Variants in ATP9B observed in about 807,000 individuals in gnomAD.
The protein encoded by ATP9B is probable phospholipid-transporting ATPase IIB.
ATP9B carries 110 observed loss-of-function variants against 146.1 expected under a neutral mutation model. The ratio of observed to expected loss-of-function variants is 0.75; its 90% confidence interval spans 0.65 to 0.88. ATP9B has a LOEUF of 0.88. Among genes scored for constraint, ATP9B ranks in the 40% least tolerant of loss-of-function variants. ATP9B has a pLI of 0.00. For synonymous variants in ATP9B, 604 were observed against 569.7 expected (o/e 1.06, Z -0.86); for missense variants, 1,499 against 1,496.4 (o/e 1.00, Z -0.03).
intron 6 of ATP9B, among the ~76,000 whole-genome samples, chr18:79,152,783 C>A (rs1013720363): frequency 6.6e-6 from 1 of 152,128 alleles, no homozygotes; most frequent in Non-Finnish European, 1.5e-5. Flanking sequence ...GTTTTCTCAG[C>A]GCTATTGATT....
intron 15 of ATP9B, among the ~76,000 whole-genome samples, chr18:79,320,052 C>T (rs1478584406): frequency 6.6e-6 from 1 of 152,250 alleles, no homozygotes; most frequent in East Asian, 1.9e-4. Context: ...AGTCCTGACA[C>T]GGAGTGCCGA....
At chr18:79,181,878 C>G (rs754890296) in intron 8 of ATP9B, among the ~76,000 whole-genome samples, 2 of 152,074 alleles carry the variant, frequency 1.3e-5, no homozygotes, top group Non-Finnish European at 2.9e-5. Flanking sequence ...TTATCTCTGT[C>G]ACTTTTGGGT....
intron 26 of ATP9B, among the ~76,000 whole-genome samples, chr18:79,370,747 T>TAC (rs949153185): frequency 3.9e-5 from 6 of 152,192 alleles, no homozygotes; most frequent in African/African-American, 1.4e-4. Context: ...TCTGAGGTGC[T>TAC]CCCTGTTGGC....
At chr18:79,082,999 G>A (rs2073425133) in intron 1 of ATP9B, among the ~76,000 whole-genome samples, 2 of 152,180 alleles carry the variant, frequency 1.3e-5, no homozygotes, top group South Asian at 2.1e-4. Flanking sequence ...CTGAGGCTGT[G>A]CCCACAACCT....
intron 11 of ATP9B, among the ~76,000 whole-genome samples, chr18:79,220,912 A>T (rs1182830837): frequency 6.6e-6 from 1 of 152,124 alleles, no homozygotes; most frequent in Non-Finnish European, 1.5e-5. Flanking sequence ...TGCTCTCTTC[A>T]GCCTTTGGGC....
chr18:79,334,205 A>C (rs529343668), intron 17 of ATP9B, among the ~76,000 whole-genome samples: 1 of 152,112 alleles, frequency 6.6e-6, no homozygotes, highest in East Asian at 1.9e-4. Context: ...AAAATACAAA[A>C]AAAATAGACA....
intron 12 of ATP9B, among the ~76,000 whole-genome samples, chr18:79,255,731 G>C (rs1365900197): frequency 6.6e-6 from 1 of 152,114 alleles, no homozygotes; most frequent in Non-Finnish European, 1.5e-5. Flanking sequence ...TCGAGTCTCT[G>C]GTTCTCAGTA....
intron 11 of ATP9B, among the ~76,000 whole-genome samples, chr18:79,233,300 G>A (rs1015317658): frequency 2.0e-5 from 3 of 151,900 alleles, no homozygotes; most frequent in African/African-American, 7.3e-5. Flanking sequence ...AAAAAAAAAA[G>A]ATACAACTAT....
chr18:79,364,649 T>A (rs2097015672), intron 26 of ATP9B, among the ~76,000 whole-genome samples: 1 of 152,228 alleles, frequency 6.6e-6, no homozygotes, highest in African/African-American at 2.4e-5. Flanking sequence ...GACCTTGGGT[T>A]AAGCAAAGAG....
chr18:79,359,676 T>A (rs3744829), intron 26 of ATP9B: 114,600 of 541,962 alleles, frequency 0.21, 13,922 homozygotes, highest in African/African-American at 0.41. Flanking sequence ...GGGAAAAAAA[T>A]TTCTCAAATG....
At chr18:79,336,576 G>T (rs1337563861) in intron 17 of ATP9B, 52 bp from the exon 18 acceptor site, 2 of 1,560,710 alleles carry the variant, frequency 1.3e-6, no homozygotes, top group Non-Finnish European at 1.8e-6. Context: ...CCCCACACAC[G>T]GCCACAGGGG....
intron 20 of ATP9B, chr18:79,343,983 T>G (rs917383765): frequency 4.0e-6 from 2 of 499,512 alleles, no homozygotes; most frequent in Non-Finnish European, 7.2e-6. Context: ...TTACACAAAT[T>G]TCATCAGAGT....
intron 7 of ATP9B, among the ~76,000 whole-genome samples, chr18:79,169,743 C>A (rs962341119): frequency 6.6e-6 from 1 of 152,114 alleles, no homozygotes; most frequent in East Asian, 1.9e-4. Flanking sequence ...CTTTATCAGA[C>A]TTTATTAGAT....
At chr18:79,230,159 G>A (rs530664641) in intron 11 of ATP9B, among the ~76,000 whole-genome samples, 8 of 152,232 alleles carry the variant, frequency 5.3e-5, no homozygotes, top group South Asian at 4.1e-4. Flanking sequence ...TATTAACACC[G>A]TAATATTAGT....
intron 1 of ATP9B, among the ~76,000 whole-genome samples, chr18:79,073,641 G>C (rs2072247891): frequency 6.6e-6 from 1 of 152,126 alleles, no homozygotes; most frequent in African/African-American, 2.4e-5. Context: ...CGAGGGAGGG[G>C]GGAGACCGTG....
At chr18:79,270,320 C>G (rs1002910730) in intron 12 of ATP9B, among the ~76,000 whole-genome samples, 2 of 150,914 alleles carry the variant, frequency 1.3e-5, no homozygotes, top group Non-Finnish European at 3.0e-5. Flanking sequence ...GTGTGTGTGT[C>G]TGTGTGTGTG....
At chr18:79,146,655 CG>C in intron 6 of ATP9B, 1 of 259,350 alleles carries the variant, frequency 3.9e-6, no homozygotes, top group Non-Finnish European at 7.7e-6. Flanking sequence ...TGCTGCATAT[CG>C]GGGGAGTGCA....
intron 17 of ATP9B, among the ~76,000 whole-genome samples, chr18:79,334,968 C>G (rs1189630653): frequency 6.6e-6 from 1 of 152,012 alleles, no homozygotes. Flanking sequence ...ACCTGCCTTG[C>G]AGGAACACGT....
intron 1 of ATP9B, among the ~76,000 whole-genome samples, chr18:79,081,783 G>A (rs2073288721): frequency 6.6e-6 from 1 of 151,804 alleles, no homozygotes; most frequent in African/African-American, 2.4e-5. Context: ...TCTGCTGTTA[G>A]TCTGATGGGC....
Sources: allele counts gnomAD v4.1 joint callset (sites outside exome capture counted in the v4.1 genomes callset), GRCh38; gene constraint gnomAD v4.1.1; transcripts MANE v1.5; gene names NCBI Gene and HGNC (gene_info 2026-07-23, HGNC 2026-07-21).